Variants in COL15A1 observed in about 807,000 individuals in gnomAD.
COL15A1 encodes collagen type XV alpha 1 chain, also known as collagen alpha-1(XV) chain.
A neutral mutation model predicts 165.9 loss-of-function variants in COL15A1; 111 were observed. The observed-to-expected ratio is 0.67, with a 90% CI of 0.57 to 0.78. The LOEUF is 0.78. COL15A1 is among the 30% of genes least tolerant of loss of function. COL15A1 has a pLI of 0.00. For missense variants in COL15A1, 1,745 were observed against 1,789.7 expected, an observed-to-expected ratio of 0.98 and a Z score of 0.45; for synonymous variants, 659 against 674.8, an observed-to-expected ratio of 0.98 and a Z score of 0.36.
chr9:99,015,138 G>T lies in COL15A1; in HGVS notation c.1354-279G>T, dbSNP rs994070115. Reference sequence around the variant, plus strand: ...TTTCCCTTTGGCTTATTGATTTGGGGATCCTGAGATTTATTTTCCTTTCAC... The same window carrying T: ...TTTCCCTTTGGCTTATTGATTTGGGTATCCTGAGATTTATTTTCCTTTCAC... On this transcript the variant is annotated intron_variant, in intron 9 of 41. Coordinates refer to ENST00000375001, the MANE Select transcript of COL15A1 (RefSeq NM_001855.5). 2.6e-5 allele frequency among the ~76,000 whole-genome samples: 4 copies of T among 151,404 alleles called. No individual in the cohort carries two copies. In the East Asian group the frequency reaches 7.9e-4, roughly 30 times the overall value.
chr9:98,981,392 G>C (rs901087010), intron 2 of COL15A1, among the ~76,000 whole-genome samples: 2 of 152,274 alleles, frequency 1.3e-5, no homozygotes, highest in Middle Eastern at 3.4e-3. Context: ...AGGAGTCAGA[G>C]GGTGCAGTGA....
intron 26 of COL15A1, among the ~76,000 whole-genome samples, chr9:99,045,434 A>C (rs80222307): frequency 1.3e-5 from 2 of 152,240 alleles, no homozygotes; most frequent in Admixed American, 6.5e-5. Context: ...CTGAATTAGT[A>C]CTAAATGATA....
chr9:99,049,621 G>A, intron 28 of COL15A1, 69 bp from the exon 29 acceptor site: 1 of 1,592,214 alleles, frequency 6.3e-7, no homozygotes, highest in East Asian at 2.3e-5. Flanking sequence ...TCTGGAGGAA[G>A]TGTCCTGTGG....
At chr9:98,989,072 C>A in intron 4 of COL15A1, 106 bp from the exon 5 acceptor site, 9 of 633,704 alleles carry the variant, frequency 1.4e-5, no homozygotes, top group East Asian at 3.6e-5. Context: ...ACACGGTTTC[C>A]CTGTAGGAGA....
At chr9:99,025,793 T>C in intron 15 of COL15A1, 111 bp from the exon 16 acceptor site, 1 of 1,140,436 alleles carries the variant, frequency 8.8e-7, no homozygotes, top group South Asian at 1.3e-5. Flanking sequence ...CATGAGGCCC[T>C]GGGCCCACCA....
intron 28 of COL15A1, 70 bp downstream of exon 28, chr9:99,048,070 G>C: frequency 1.2e-6 from 1 of 831,716 alleles, no homozygotes; most frequent in Admixed American, 2.0e-5. Flanking sequence ...GGTCCACAGA[G>C]CAGGGCCTGT....
At chr9:98,951,016 G>A (rs557379403) in intron 2 of COL15A1, among the ~76,000 whole-genome samples, 16 of 152,208 alleles carry the variant, frequency 1.1e-4, no homozygotes, top group Admixed American at 8.5e-4. Flanking sequence ...TCAGAGCAGC[G>A]CAGAACTTCC....
chr9:99,021,403 T>C (rs1459305719), intron 12 of COL15A1, among the ~76,000 whole-genome samples: 3 of 152,192 alleles, frequency 2.0e-5, no homozygotes, highest in African/African-American at 4.8e-5. Flanking sequence ...TTGGGGACTT[T>C]ACTGTGGACA....
In COL15A1 at chr9:99,022,098, C is replaced by T. The variant is rs778523153; in HGVS notation, c.1709C>T (p.Ala570Val). The T allele has an allele frequency of 2.5e-6, 4 of 1,614,144 alleles. No homozygotes were observed. In the South Asian group the frequency reaches 4.4e-5, roughly 18 times the overall value. The change falls in exon 13 of 42, where the codon GCT (alanine) becomes GTT (valine). Residue 570 changes from alanine (A) to valine (V), a missense_variant. Ala to Val is a moderately conservative substitution (Grantham distance 64). Coordinates refer to ENST00000375001, the MANE Select transcript of COL15A1 (RefSeq NM_001855.5). ...CCATTTTGTTCTCTTTAGGGTGATGCTGGGGAGGAGCTTCCTGGCCCTCCT... is the reference window on the plus strand; with the variant it reads ...CCATTTTGTTCTCTTTAGGGTGATGTTGGGGAGGAGCTTCCTGGCCCTCCT... ...QAGPKGEKGD[A>V]GEELPGPPEP...
chr9:99,046,550 A>G (rs1326990416), intron 26 of COL15A1, among the ~76,000 whole-genome samples: 4 of 152,256 alleles, frequency 2.6e-5, no homozygotes, highest in South Asian at 2.1e-4. Flanking sequence ...AGGAGGCCTT[A>G]GGAAACTTAC....
intron 16 of COL15A1, among the ~76,000 whole-genome samples, chr9:99,031,986 G>A (rs1839218730): frequency 6.6e-6 from 1 of 151,896 alleles, no homozygotes; most frequent in Non-Finnish European, 1.5e-5. Context: ...AAAGTCATTT[G>A]CCCTTGATGA....
rs1436590737 is a variant in COL15A1 at position 99,055,267 on chromosome 9, G to T, written c.3087G>T (p.Glu1029Asp). 1.2e-6 allele frequency: 2 copies of T among 1,610,446 alleles called. No individual in the cohort carries two copies. The highest frequency in any genetic ancestry group is 1.7e-5 in the Admixed American group (1 of 60,018). The part of the protein sequence containing the change: ...LRHFLNNLKG[E>D]NGDKGFKGEK... ...CCTGTGTTCTCTGCTTCCAGGGGGA[G>T]AATGGAGACAAGGGGTTCAAAGGTG... is the stretch of plus-strand genomic sequence containing the variant. The change falls in exon 34 of 42, where the codon GAG becomes GAT. Residue 1029 changes from glutamate (E) to aspartate (D), a missense_variant. Glu to Asp is a conservative substitution (Grantham distance 45). Transcript: ENST00000375001.
intron 9 of COL15A1, among the ~76,000 whole-genome samples, chr9:99,009,359 A>G (rs1014564956): frequency 1.3e-5 from 2 of 152,266 alleles, no homozygotes; most frequent in Non-Finnish European, 2.9e-5. Flanking sequence ...GGAATTTCAT[A>G]CAACTCTGAG....
chr9:99,043,275 A>G (rs1308064461), intron 24 of COL15A1, among the ~76,000 whole-genome samples: 1 of 151,820 alleles, frequency 6.6e-6, no homozygotes, highest in East Asian at 1.9e-4. Flanking sequence ...TCACGTGGGG[A>G]TGTGTCTTGG....
rs146423653 is a variant in COL15A1 at position 99,025,914 on chromosome 9, G to T, written c.1991G>T (p.Gly664Val). ...AGEPGPPGPE[G>V]QPGVDGATGL... ...ACTGATGTTCCCCAGGGCCCTGAGG[G>T]ACAGCCTGGAGTTGATGGAGCCACC... The change falls in exon 16 of 42, where the codon GGA (glycine) becomes GTA (valine). Residue 664 changes from glycine to valine, a missense_variant. Physicochemically the swap from Gly to Val is moderately radical, Grantham distance 109. Coordinates refer to ENST00000375001, the MANE Select transcript of COL15A1 (RefSeq NM_001855.5). The T allele has an allele frequency of 1.9e-6, 3 of 1,613,158 alleles. No individual in the cohort carries two copies. Among genetic ancestry groups the T allele is most frequent in the Non-Finnish European group, 2.5e-6 (3 of 1,179,718 alleles).
intron 2 of COL15A1, among the ~76,000 whole-genome samples, chr9:98,974,076 C>T (rs747236674): frequency 4.6e-5 from 7 of 152,170 alleles, no homozygotes; most frequent in African/African-American, 1.4e-4. Context: ...AAGTTGAGGC[C>T]GACTTGTGTG....
intron 2 of COL15A1, among the ~76,000 whole-genome samples, chr9:98,974,488 G>T (rs538378306): frequency 6.6e-6 from 1 of 152,282 alleles, no homozygotes; most frequent in South Asian, 2.1e-4. Flanking sequence ...TTGCTGGCAG[G>T]ACAAGCTGAC....
rs911928024 is a variant in COL15A1, at chr9:99,009,199, A to C, written c.1353+4149A>C. ...TATAAAACCACCTTTTGAAAGGGAT[A>C]AAAGCAAAACAACTGTGGATGACAA... On this transcript the variant is annotated intron_variant, in intron 9 of 41. Transcript: ENST00000375001. 1.8e-4 allele frequency among the ~76,000 whole-genome samples: 27 copies of C among 152,254 alleles called. 1 individual carries two copies. Among genetic ancestry groups the C allele is most frequent in the African/African-American group, 6.5e-4 (27 of 41,472 alleles).
Position 99,043,777 on chromosome 9 carries a change from C to T in COL15A1, c.2575-791C>T, listed in dbSNP as rs114197824. Among the ~76,000 whole-genome samples, 746 of 152,276 alleles carry T rather than the reference C, an allele frequency of 4.9e-3. 5 individuals carry two copies. The highest frequency in any genetic ancestry group is 0.017 in the African/African-American group (717 of 41,534). ...CAGGGGCCAGCATTGAAGTTTAGGG[C>T]CAAAGCCTCAGAGTCAGATAGAAGG... On this transcript the variant is annotated intron_variant, in intron 24 of 41. Transcript: ENST00000375001.
Sources: allele counts gnomAD v4.1 joint callset (sites outside exome capture counted in the v4.1 genomes callset), GRCh38; gene constraint gnomAD v4.1.1; transcripts MANE v1.5; gene names NCBI Gene and HGNC (gene_info 2026-07-23, HGNC 2026-07-21).